TENT2: variants seen among roughly 807,000 people sequenced by gnomAD.
TENT2 encodes the protein terminal nucleotidyltransferase 2, also known as poly(A) RNA polymerase GLD2.
In TENT2, 44 loss-of-function variants were observed where a neutral mutation model predicts 72.2. The ratio of observed to expected loss-of-function variants is 0.61; its 90% CI spans 0.48 to 0.78. The LOEUF (loss-of-function observed/expected upper bound fraction) is 0.78, where lower values mean the gene tolerates loss of function less well. TENT2 is among the 30% of genes least tolerant of loss of function. The pLI is 0.00. For synonymous variants in TENT2, 212 were observed against 192.5 expected (o/e 1.10, Z -0.84); for missense variants, 541 against 569.6 (o/e 0.95, Z 0.51).
intron 4 of TENT2, among the ~76,000 whole-genome samples, chr5:79,637,932 G>C (rs1290794552): frequency 1.3e-5 from 2 of 151,670 alleles, no homozygotes; most frequent in African/African-American, 4.9e-5. Context: ...CAAATAGCTG[G>C]GACTACAGGC....
chr5:79,639,884 C>T (rs1348952034), intron 4 of TENT2, among the ~76,000 whole-genome samples: 1 of 152,002 alleles, frequency 6.6e-6, no homozygotes, highest in Non-Finnish European at 1.5e-5. Flanking sequence ...GATATGTAGC[C>T]CATTTCAGAT....
At chr5:79,669,085 T>G (rs1479219767) in intron 12 of TENT2, 57 bp downstream of exon 12, 1 of 1,544,248 alleles carries the variant, frequency 6.5e-7, no homozygotes, top group East Asian at 2.3e-5. Context: ...TGTGTATGTA[T>G]GTATATATAT....
chr5:79,664,791 A>G (rs754010755), intron 11 of TENT2, among the ~76,000 whole-genome samples: 16 of 152,192 alleles, frequency 1.1e-4, no homozygotes, highest in Admixed American at 2.0e-4. Context: ...TGTGGCATAT[A>G]CTAAACAGTT....
At chr5:79,656,062 T>C (rs1475581286) in intron 10 of TENT2, among the ~76,000 whole-genome samples, 1 of 152,022 alleles carries the variant, frequency 6.6e-6, no homozygotes, top group Non-Finnish European at 1.5e-5. Context: ...GTAGTTGTTA[T>C]ACATAGTGTA....
intron 4 of TENT2, among the ~76,000 whole-genome samples, chr5:79,627,511 G>C (rs563368595): frequency 3.2e-4 from 48 of 152,058 alleles, no homozygotes; most frequent in Non-Finnish European, 5.3e-4. Context: ...TTGAGACAGA[G>C]TTTTGCTCTT....
At chr5:79,621,401 CTT>C (rs1441404788) in intron 3 of TENT2, among the ~76,000 whole-genome samples, 1 of 152,098 alleles carries the variant, frequency 6.6e-6, no homozygotes, top group African/African-American at 2.4e-5. Context: ...ATAGTATTGA[CTT>C]TATTCAGATT....
At chr5:79,626,038 AG>A (rs1371602915) in intron 4 of TENT2, among the ~76,000 whole-genome samples, 4 of 151,934 alleles carry the variant, frequency 2.6e-5, no homozygotes, top group Non-Finnish European at 5.9e-5. Context: ...CATGTTGGTC[AG>A]GCTGGTCTTG....
At chr5:79,625,816 G>C (rs544809607) in intron 4 of TENT2, among the ~76,000 whole-genome samples, 30 of 148,740 alleles carry the variant, frequency 2.0e-4, no homozygotes, top group African/African-American at 7.1e-4. Flanking sequence ...AGATTAACTT[G>C]GGTTTTTTTA....
At chr5:79,651,673 A>G (rs1016036439) in intron 10 of TENT2, among the ~76,000 whole-genome samples, 1 of 151,912 alleles carries the variant, frequency 6.6e-6, no homozygotes, top group Non-Finnish European at 1.5e-5. Flanking sequence ...GCATTTTTTC[A>G]TATTTATCTT....
In TENT2 at chr5:79,650,031, T is replaced by C. The variant is rs554102001; in HGVS notation, c.1027+841T>C. Among the ~76,000 whole-genome samples the C allele has an allele frequency of 3.9e-5, 6 of 152,168 alleles. No homozygotes were observed. The East Asian group carries it at 5.8e-4, about 15-fold the overall frequency. On this transcript the variant is annotated intron_variant, in intron 10 of 14. Coordinates refer to ENST00000453514, the MANE Select transcript of TENT2 (RefSeq NM_001114394.3). ...TTTAATAACTAACCAACTGAACATA[T>C]GAATATGTGGTGACATGAAGACCGA...
chr5:79,634,692 T>A (rs191910201), intron 4 of TENT2, among the ~76,000 whole-genome samples: 1 of 152,156 alleles, frequency 6.6e-6, no homozygotes, highest in Non-Finnish European at 1.5e-5. Context: ...TTTTGTGTAG[T>A]GAGAAATAGA....
chr5:79,670,348 G>A (rs543702999), intron 12 of TENT2, among the ~76,000 whole-genome samples: 7 of 151,608 alleles, frequency 4.6e-5, no homozygotes, highest in East Asian at 1.9e-4. Flanking sequence ...TTTTTGAGAC[G>A]GAGTCTCACT....
In TENT2 at chr5:79,633,461, A is replaced by G. The variant is rs1332881089; in HGVS notation, c.466-7390A>G. Reference sequence around the variant, plus strand: ...TTTTTTTTTTTTTTTTTTTTTTGAGACAGAGTTTCGCTCTTGTTGCCCAGG... The same window carrying G: ...TTTTTTTTTTTTTTTTTTTTTTGAGGCAGAGTTTCGCTCTTGTTGCCCAGG... On this transcript the variant is annotated intron_variant, in intron 4 of 14. Transcript: ENST00000453514. Among the ~76,000 whole-genome samples, 11 of 97,924 alleles carry G rather than the reference A, an allele frequency of 1.1e-4. No homozygotes were observed. In the Admixed American group the frequency reaches 1.3e-3, roughly 12 times the overall value. The allele number at this position is 97,924 out of a possible 152,430, so 64.2% of individuals were successfully genotyped here. A position where few individuals can be genotyped will look rare whatever the true frequency, so the allele number is the denominator to read the frequency against.
At chr5:79,681,940 A>G (rs1822325367) in intron 13 of TENT2, 42 bp from the exon 14 acceptor site, 1 of 1,516,740 alleles carries the variant, frequency 6.6e-7, no homozygotes, top group Non-Finnish European at 9.1e-7. Flanking sequence ...TGTAGCTCTC[A>G]TTTTAATAAT....
intron 13 of TENT2, 148 bp downstream of exon 13, chr5:79,679,818 A>G (rs1184961338): frequency 9.0e-6 from 4 of 445,914 alleles, no homozygotes; most frequent in Non-Finnish European, 1.5e-5. Flanking sequence ...TTAAAAAGTC[A>G]TTTAAAATTT....
intron 3 of TENT2, among the ~76,000 whole-genome samples, chr5:79,622,569 T>C (rs899562070): frequency 3.2e-4 from 48 of 152,198 alleles, no homozygotes; most frequent in African/African-American, 1.1e-3. Context: ...TTCTTTCTCT[T>C]TTTCTTTCTG....
chr5:79,640,998 AT>A, intron 5 of TENT2, 33 bp downstream of exon 5: 2 of 1,505,102 alleles, frequency 1.3e-6, no homozygotes, highest in Non-Finnish European at 1.8e-6. Flanking sequence ...TCCTTTAGGT[AT>A]ATGCATTCCT....
At chr5:79,667,727 T>C (rs1240699636) in intron 11 of TENT2, among the ~76,000 whole-genome samples, 1 of 152,164 alleles carries the variant, frequency 6.6e-6, no homozygotes, top group African/African-American at 2.4e-5. Flanking sequence ...TTTGTTTTCT[T>C]GCTCCTTTGT....
intron 7 of TENT2, among the ~76,000 whole-genome samples, chr5:79,643,900 C>G (rs952019269): frequency 3.3e-5 from 5 of 151,816 alleles, no homozygotes; most frequent in Non-Finnish European, 5.9e-5. Context: ...GTCTCAGAAC[C>G]TGTACTTATT....
Sources: allele counts gnomAD v4.1 joint callset (sites outside exome capture counted in the v4.1 genomes callset), GRCh38; gene constraint gnomAD v4.1.1; transcripts MANE v1.5; gene names NCBI Gene and HGNC (gene_info 2026-07-23, HGNC 2026-07-21).